The following LMNA variants were observed in gnomAD, a reference collection of about 807,000 sequenced individuals.
LMNA encodes the protein lamin.
LMNA carries 20 observed loss-of-function variants against 70.4 expected under a neutral mutation model. That is an observed-to-expected ratio of 0.28 (90% confidence interval 0.20 to 0.41). The LOEUF (loss-of-function observed/expected upper bound fraction) is 0.41. Among genes scored for constraint, LMNA ranks in the 10% least tolerant of loss-of-function variants. The pLI, the probability that LMNA is intolerant of heterozygous loss-of-function variation, is 1.00. For missense variants in LMNA, 652 were observed against 917.2 expected (o/e 0.71, Z 3.73); for synonymous variants, 339 against 372.8 (o/e 0.91, Z 1.04).
At chr1:156,120,718 G>GA (rs1389108563) in intron 1 of LMNA, among the ~76,000 whole-genome samples, 4 of 151,618 alleles carry the variant, frequency 2.6e-5, no homozygotes, top group Non-Finnish European at 5.9e-5. Flanking sequence ...CTCTGAAAAA[G>GA]AAAAAAACAA....
intron 1 of LMNA, chr1:156,126,947 C>T (rs76950353): frequency 1.8e-5 from 28 of 1,543,928 alleles, no homozygotes; most frequent in African/African-American, 2.7e-5. Flanking sequence ...GACCCCTGCC[C>T]GGGTATTGTG....
intron 1 of LMNA, among the ~76,000 whole-genome samples, chr1:156,125,058 G>A (rs533035304): frequency 6.6e-6 from 1 of 152,300 alleles, no homozygotes; most frequent in South Asian, 2.1e-4. Context: ...GTTTCCCCCT[G>A]TAAAAGTATA....
chr1:156,105,001 G>C (rs1002821594), intron 3 of LMNA, among the ~76,000 whole-genome samples: 4 of 152,324 alleles, frequency 2.6e-5, no homozygotes, highest in East Asian at 1.9e-4. Context: ...CAGGGCCTGA[G>C]AGCATGCCAG....
At chr1:156,090,634 G>A (rs985170812) in intron 3 of LMNA, 1 of 152,338 alleles carries the variant, frequency 6.6e-6, no homozygotes, top group African/African-American at 2.4e-5. Context: ...CCCAGAGCCT[G>A]GGACCCCAGA....
intron 2 of LMNA, among the ~76,000 whole-genome samples, chr1:156,084,328 C>CCGGG (rs1553259231): frequency 1.1e-5 from 1 of 90,978 alleles, no homozygotes; most frequent in Non-Finnish European, 2.4e-5. Flanking sequence ...CTCAGAAGGT[C>CCGGG]GGGGGGTGGT....
At chr1:156,127,204 C>CG (rs1558123694) in intron 1 of LMNA, among the ~76,000 whole-genome samples, 1 of 152,094 alleles carries the variant, frequency 6.6e-6, no homozygotes, top group Non-Finnish European at 1.5e-5. Context: ...CACTTGGGGG[C>CG]GGGGGCAGGG....
chr1:156,102,586 C>T (rs1649182245), intron 3 of LMNA, among the ~76,000 whole-genome samples: 1 of 152,174 alleles, frequency 6.6e-6, no homozygotes, highest in Non-Finnish European at 1.5e-5. Flanking sequence ...GGCAGAACGC[C>T]GCAGCCCAGT....
intron 3 of LMNA, among the ~76,000 whole-genome samples, chr1:156,101,772 G>C (rs963231037): frequency 6.6e-6 from 1 of 152,234 alleles, no homozygotes; most frequent in Non-Finnish European, 1.5e-5. Context: ...TCCAGGTGGG[G>C]GTTGGTGGTG....
chr1:156,134,252 T>C lies in LMNA; in HGVS notation c.514-151T>C, dbSNP rs558866379. On this transcript the variant is annotated intron_variant, in intron 2 of 11. Transcript: ENST00000368300. The surrounding 1 kb of genome is among the most constrained non-coding windows in gnomAD (Gnocchi z 5.3). The stretch of plus-strand genomic sequence containing the variant: ...CCTACCAAGAGTGAGTGAGTAGATG[T>C]CCTGACCCCTGCAGGCATCCAAGGC... 93 of 786,972 alleles carry C rather than the reference T, an allele frequency of 1.2e-4. No individual in the cohort carries two copies. In the African/African-American group the frequency reaches 1.5e-3, roughly 13 times the overall value. 48.7% of individuals were successfully genotyped at this position (786,972 alleles called of 1,614,324 possible).
intron 3 of LMNA, among the ~76,000 whole-genome samples, chr1:156,102,806 A>G (rs926893738): frequency 2.0e-5 from 3 of 152,142 alleles, no homozygotes; most frequent in Admixed American, 2.0e-4. Context: ...GTATTTTTCA[A>G]ACTTTCCGAT....
chr1:156,098,755 C>T (rs1649035654), intron 3 of LMNA, among the ~76,000 whole-genome samples: 1 of 152,112 alleles, frequency 6.6e-6, no homozygotes, highest in African/African-American at 2.4e-5. Flanking sequence ...GAAGGCAAGT[C>T]ATGTCTAGTG....
chr1:156,111,122 G>A (rs893850748), upstream of LMNA, among the ~76,000 whole-genome samples: 1 of 151,816 alleles, frequency 6.6e-6, no homozygotes, highest in Admixed American at 6.6e-5. Flanking sequence ...ACACAGAGGA[G>A]CCCCCCCACC....
intron 2 of LMNA, among the ~76,000 whole-genome samples, chr1:156,086,242 G>A (rs1463190974): frequency 6.6e-6 from 1 of 152,224 alleles, no homozygotes; most frequent in Non-Finnish European, 1.5e-5. Flanking sequence ...CCTGGGATGT[G>A]CCAGGCACTG....
chr1:156,082,699 G>A (rs1423728594), intron 1 of LMNA: 1 of 152,446 alleles, frequency 6.6e-6, no homozygotes, highest in East Asian at 1.9e-4. Flanking sequence ...GCGGGGAGAA[G>A]GGGTAGTATG....
In LMNA at chr1:156,138,893, A is replaced by G; in HGVS notation, c.1968+136A>G. 1.5e-5 allele frequency: 20 copies of G among 1,344,306 alleles called. No individual in the cohort carries two copies. In the South Asian group the frequency reaches 2.4e-4, roughly 16 times the overall value. 83.3% of individuals were successfully genotyped at this position (1,344,306 alleles called of 1,614,324 possible). A position where few individuals can be genotyped will look rare whatever the true frequency, so the allele number is the denominator to read the frequency against. On this transcript the variant is annotated intron_variant, in intron 11 of 11. Transcript: ENST00000368300. The surrounding 1 kb of genome is among the most constrained non-coding windows in gnomAD (Gnocchi z 5.5). ...GGGGGAGTGGGAGCCTCCTCCCCAC[A>G]GCCTGAGTCCTAGACAGCCCACCTC... is the stretch of plus-strand genomic sequence containing the variant.
At chr1:156,084,969 G>A (rs1166252205) in intron 2 of LMNA, among the ~76,000 whole-genome samples, 5 of 152,236 alleles carry the variant, frequency 3.3e-5, no homozygotes, top group African/African-American at 1.2e-4. Context: ...GAATGGGGAA[G>A]GGGCTGGCTG....
In LMNA at chr1:156,116,293, G is replaced by A. The variant is rs543846501; in HGVS notation, c.356+1019G>A. On this transcript the variant is annotated intron_variant, in intron 1 of 11. Transcript: ENST00000368300. ...AATACAGTGACATTTTTGAAATCCA[G>A]CCGTTGGAAGATTCAGGCCACTCCC... Among the ~76,000 whole-genome samples the A allele has an allele frequency of 2.6e-5, 4 of 152,244 alleles. No homozygotes were observed. In the South Asian group the frequency reaches 6.2e-4, roughly 24 times the overall value.
At position 156,138,786 on chromosome 1, in the gene LMNA, C is replaced by G; in HGVS notation, c.1968+29C>G. 8 of 1,613,122 alleles carry G rather than the reference C, an allele frequency of 5.0e-6. No individual in the cohort carries two copies. The East Asian group carries it at 1.8e-4, about 36-fold the overall frequency. On this transcript the variant is annotated intron_variant, in intron 11 of 11. Transcript: ENST00000368300. The surrounding 1 kb of genome is among the most constrained non-coding windows in gnomAD (Gnocchi z 5.5). ...AGTTGTCTCTGCTTTGTCTCCAAAT[C>G]CTGCAGGCGGGTCCCTGGTCATCGA...
At position 156,115,079 on chromosome 1, in the gene LMNA, C is replaced by A; in HGVS notation, c.161C>A (p.Thr54Lys). ...VYIDRVRSLE[T>K]ENAGLRLRIT... Reference sequence around the variant, plus strand: ...ATCGACCGTGTGCGCTCGCTGGAAACGGAGAACGCAGGGCTGCGCCTTCGC... The same window carrying A: ...ATCGACCGTGTGCGCTCGCTGGAAAAGGAGAACGCAGGGCTGCGCCTTCGC... Residue 54 changes from threonine to lysine, a missense_variant, in exon 1 of 12, where the codon ACG (threonine) becomes AAG (lysine). Thr to Lys is a moderately conservative substitution (Grantham distance 78). Coordinates refer to ENST00000368300, the MANE Select transcript of LMNA (RefSeq NM_170707.4). The surrounding 1 kb of genome is among the most constrained non-coding windows in gnomAD (Gnocchi z 5.8). 1 of 1,595,458 alleles carries A rather than the reference C, an allele frequency of 6.3e-7. No homozygotes were observed. Among genetic ancestry groups the A allele is most frequent in the Non-Finnish European group, 8.5e-7 (1 of 1,171,142 alleles).
Sources: allele counts gnomAD v4.1 joint callset (sites outside exome capture counted in the v4.1 genomes callset), GRCh38; gene constraint gnomAD v4.1.1; non-coding constraint Gnocchi (gnomAD v3.1); transcripts MANE v1.5; gene names NCBI Gene and HGNC (gene_info 2026-07-23, HGNC 2026-07-21).